WDR33: variants seen among roughly 807,000 people sequenced by gnomAD.
WDR33 encodes WD repeat domain 33, also known as pre-mRNA 3' end processing protein WDR33.
A neutral mutation model predicts 164.9 loss-of-function variants in WDR33; 47 were observed. That is an observed-to-expected ratio of 0.29 (90% confidence interval 0.23 to 0.36). The LOEUF is 0.36. Ranked by LOEUF, WDR33 falls within the 10% of genes least tolerant of loss-of-function variation. WDR33 has a pLI of 1.00. For synonymous variants in WDR33, 505 were observed against 589.0 expected, an observed-to-expected ratio of 0.86 and a Z score of 2.06; for missense variants, 1,137 against 1,754.1, an observed-to-expected ratio of 0.65 and a Z score of 6.28.
intron 1 of WDR33, among the ~76,000 whole-genome samples, chr2:127,788,236 A>G (rs1331282062): frequency 4.9e-5 from 5 of 102,362 alleles, no homozygotes; most frequent in African/African-American, 7.9e-5. Flanking sequence ...GCGGCTGGCC[A>G]GGCAGGGGGC....
At chr2:127,774,889 T>C (rs1256419274) in intron 1 of WDR33, among the ~76,000 whole-genome samples, 1 of 151,712 alleles carries the variant, frequency 6.6e-6, no homozygotes, top group Non-Finnish European at 1.5e-5. Flanking sequence ...AAAAGTCACA[T>C]ATTGTGTGAT....
intron 18 of WDR33, among the ~76,000 whole-genome samples, chr2:127,711,755 T>TAG (rs1686171479): frequency 1.3e-5 from 1 of 74,230 alleles, no homozygotes; most frequent in African/African-American, 1.3e-4. Flanking sequence ...TATACAGATA[T>TAG]ATATATATAT....
At chr2:127,788,432 C>G (rs1688692975) in intron 1 of WDR33, among the ~76,000 whole-genome samples, 1 of 131,772 alleles carries the variant, frequency 7.6e-6, no homozygotes, top group Non-Finnish European at 1.6e-5. Context: ...GCTGACCCCC[C>G]CCACCTCCCT....
chr2:127,701,788 C>A lies in WDR33; in HGVS notation c.*4535G>T. ...GCGGGCGGCGGGTGCCTGCTGCTGG[C>A]TGCACTGTGTTTCGGCCTAGCCGCG... On this transcript the variant is annotated 3_prime_UTR_variant, in exon 22 of 22. Coordinates refer to ENST00000322313, the MANE Select transcript of WDR33 (RefSeq NM_018383.5). 2.8e-6 allele frequency: 4 copies of A among 1,449,338 alleles called. No individual in the cohort carries two copies. In the South Asian group the frequency reaches 5.2e-5, roughly 19 times the overall value. The allele number at this position is 1,449,338 out of a possible 1,614,324, so 89.8% of individuals were successfully genotyped here. A position where few individuals can be genotyped will look rare whatever the true frequency, so the allele number is the denominator to read the frequency against.
chr2:127,778,081 G>T (rs942202954), intron 1 of WDR33, among the ~76,000 whole-genome samples: 6 of 152,100 alleles, frequency 3.9e-5, no homozygotes, highest in African/African-American at 1.4e-4. Flanking sequence ...ATCTCTTGAG[G>T]CCAGGAGTTG....
rs149382690 is a variant in WDR33, at chr2:127,724,032, C to T, written c.1196+301G>A. 4.0e-5 allele frequency among the ~76,000 whole-genome samples: 6 copies of T among 151,824 alleles called. No individual in the cohort carries two copies. The highest frequency in any genetic ancestry group is 9.7e-5 in the African/African-American group (4 of 41,264). On this transcript the variant is annotated intron_variant, in intron 11 of 21. Transcript: ENST00000322313. The surrounding 1 kb of genome is among the most constrained non-coding windows in gnomAD (Gnocchi z 4.8). Reference sequence around the variant, plus strand: ...GGTTGAGGCTATAGTGAGCTGAGACCGCACCATTGCACGCCAGCCTGGACA... The same window carrying T: ...GGTTGAGGCTATAGTGAGCTGAGACTGCACCATTGCACGCCAGCCTGGACA...
At position 127,763,223 on chromosome 2, in the gene WDR33, C is replaced by A; in HGVS notation, c.627-64G>T. ...CATTTAACAGATAATCTGTGCTTCT[C>A]AGACAGGGAAAAATAAAAACACTGT... On this transcript the variant is annotated intron_variant, in intron 6 of 21. Coordinates refer to ENST00000322313, the MANE Select transcript of WDR33 (RefSeq NM_018383.5). The surrounding 1 kb of genome is among the most constrained non-coding windows in gnomAD (Gnocchi z 4.5). The A allele has an allele frequency of 6.2e-7, 1 of 1,610,838 alleles. No homozygotes were observed. The highest frequency in any genetic ancestry group is 1.1e-5 in the South Asian group (1 of 90,788).
chr2:127,747,122 C>A (rs928146263), intron 7 of WDR33, among the ~76,000 whole-genome samples: 3 of 152,190 alleles, frequency 2.0e-5, no homozygotes, highest in Non-Finnish European at 2.9e-5. Context: ...AGAGAATACA[C>A]CACAAATCTA....
chr2:127,771,060 A>C, intron 1 of WDR33, 56 bp from the exon 2 acceptor site: 2 of 1,322,280 alleles, frequency 1.5e-6, no homozygotes, highest in Non-Finnish European at 2.1e-6. Flanking sequence ...ACACTGCCTG[A>C]AAACATTTTT....
rs1227240514 is a variant in WDR33 at position 127,719,467 on chromosome 2, C to T, written c.2558G>A (p.Arg853Gln). 16 of 1,588,692 alleles carry T rather than the reference C, an allele frequency of 1.0e-5. No homozygotes were observed. Among genetic ancestry groups the T allele is most frequent in the East Asian group, 2.2e-5 (1 of 44,448 alleles). Residue 853 changes from arginine (R) to glutamine (Q), a missense_variant, in exon 16 of 22, where the codon CGA becomes CAA. Around this residue, in one of 9 missense-constraint regions of WDR33, gnomAD observed 867 missense variants for 1,073.0 expected, o/e 0.81. Coordinates refer to ENST00000322313, the MANE Select transcript of WDR33 (RefSeq NM_018383.5). This position sits in a 1 kb window ranked among gnomAD's most constrained non-coding sequence, Gnocchi z 6.5. ...CTGACTTTGTGAGCCTGGAGGCCCT[C>T]GCAATTCCTGGGGAGGTCCCAGCAT... Reference protein sequence around the residue: ...GSMLGPPQELRGPPGSQSQQG... With the variant: ...GSMLGPPQELQGPPGSQSQQG...
chr2:127,739,992 A>G (rs780253442), intron 7 of WDR33, among the ~76,000 whole-genome samples: 5 of 152,208 alleles, frequency 3.3e-5, no homozygotes, highest in African/African-American at 7.2e-5. Flanking sequence ...GAACTAGAAA[A>G]CACAAAATGA....
At position 127,713,743 on chromosome 2, in the gene WDR33, G is replaced by A. The variant is rs1475668204; in HGVS notation, c.3148C>T (p.Pro1050Ser). The change falls in exon 18 of 22, where the codon CCT becomes TCT. Residue 1050 changes from proline (P) to serine (S), a missense_variant. Pro to Ser is a moderately conservative substitution (Grantham distance 74). This residue lies in a region of WDR33 where 867 missense variants were observed against 1,073.0 expected (regional missense o/e 0.81). Coordinates refer to ENST00000322313, the MANE Select transcript of WDR33 (RefSeq NM_018383.5). This position sits in a 1 kb window ranked among gnomAD's most constrained non-coding sequence, Gnocchi z 6.2. ...TGATCAGGGGGAAACGGAGGCCCAG[G>A]GCCCCCTCGCCTCCACTTCTCTTCT... is the stretch of plus-strand genomic sequence containing the variant. ...PQEEKWRRGG[P>S]GPPFPPDHRE... is the part of the protein sequence containing the mutation. 3 of 1,614,080 alleles carry A rather than the reference G, an allele frequency of 1.9e-6. No homozygotes were observed. The highest frequency in any genetic ancestry group is 2.5e-6 in the Non-Finnish European group (3 of 1,180,010).
Position 127,708,688 on chromosome 2 carries a change from C to A in WDR33, c.3770G>T (p.Arg1257Leu). 1 of 1,604,528 alleles carries A rather than the reference C, an allele frequency of 6.2e-7. No individual in the cohort carries two copies. The highest frequency in any genetic ancestry group is 1.7e-5 in the Admixed American group (1 of 59,012). Residue 1257 changes from arginine (R) to leucine (L), a missense_variant, in exon 21 of 22, where the codon CGA becomes CTA. Physicochemically the swap from Arg to Leu is moderately radical, Grantham distance 102 (BLOSUM62 -2). Around this residue, in one of 9 missense-constraint regions of WDR33, gnomAD observed 867 missense variants for 1,073.0 expected, o/e 0.81. Coordinates refer to ENST00000322313, the MANE Select transcript of WDR33 (RefSeq NM_018383.5). The surrounding 1 kb of genome is among the most constrained non-coding windows in gnomAD (Gnocchi z 6.7). The part of the protein sequence containing the change: ...MEAPGGPSED[R>L]GGKGRGGPGP... ...TGGCCTGCTCTTACCTTTGCCTCCTCGGTCTTCAGAAGGGCCTCCTGGGGC... is the reference window on the plus strand; with the variant it reads ...TGGCCTGCTCTTACCTTTGCCTCCTAGGTCTTCAGAAGGGCCTCCTGGGGC...
chr2:127,710,330 A>G lies in WDR33; in HGVS notation c.3309-474T>C, dbSNP rs1456217341. On this transcript the variant is annotated intron_variant, in intron 18 of 21. Transcript: ENST00000322313. This position sits in a 1 kb window ranked among gnomAD's most constrained non-coding sequence, Gnocchi z 4.4. ...ACTTATCATTATCATCTACATTTGT[A>G]TGATGAACATTTATGACATATAATC... is the stretch of plus-strand genomic sequence containing the variant. Among the ~76,000 whole-genome samples the G allele has an allele frequency of 1.3e-5, 2 of 152,258 alleles. No individual in the cohort carries two copies. The highest frequency in any genetic ancestry group is 4.8e-5 in the African/African-American group (2 of 41,470).
intron 18 of WDR33, among the ~76,000 whole-genome samples, chr2:127,711,751 G>GATAGATATATATAT (rs1157627935): frequency 1.4e-5 from 1 of 71,638 alleles, no homozygotes; most frequent in African/African-American, 9.9e-5. Flanking sequence ...CACATATACA[G>GATAGATATATATAT]ATATATATAT....
intron 7 of WDR33, among the ~76,000 whole-genome samples, chr2:127,730,580 C>T (rs1394579288): frequency 1.3e-5 from 2 of 151,924 alleles, no homozygotes; most frequent in Admixed American, 6.6e-5. Context: ...CAGCCAAAAA[C>T]CATTAAAATG....
intron 7 of WDR33, among the ~76,000 whole-genome samples, chr2:127,753,602 G>A (rs1687434911): frequency 6.6e-6 from 1 of 152,160 alleles, no homozygotes; most frequent in African/African-American, 2.4e-5. Flanking sequence ...TCAGCTTCTA[G>A]AGTTTGTGAT....
intron 7 of WDR33, among the ~76,000 whole-genome samples, chr2:127,747,252 T>A (rs1687192632): frequency 6.6e-6 from 1 of 152,172 alleles, no homozygotes; most frequent in Non-Finnish European, 1.5e-5. Context: ...GTTTTTTCCA[T>A]ACGAAATTAT....
chr2:127,792,402 T>A (rs1016243071), intron 1 of WDR33, among the ~76,000 whole-genome samples: 2 of 151,822 alleles, frequency 1.3e-5, no homozygotes, highest in Non-Finnish European at 2.9e-5. Flanking sequence ...GGCTCACGCC[T>A]ATAATCCCAG....
Sources: allele counts gnomAD v4.1 joint callset (sites outside exome capture counted in the v4.1 genomes callset), GRCh38; gene constraint gnomAD v4.1.1; regional missense constraint gnomAD v4.1.1; non-coding constraint Gnocchi (gnomAD v3.1); transcripts MANE v1.5; gene names NCBI Gene and HGNC (gene_info 2026-07-23, HGNC 2026-07-21).